BZW1: variants seen among roughly 807,000 people sequenced by gnomAD.
The protein encoded by BZW1 is eIF5-mimic protein 2.
BZW1 carries 3 observed loss-of-function variants against 54.1 expected under a neutral mutation model. The observed-to-expected ratio is 0.06, with a 90% CI of 0.03 to 0.14. BZW1 has a LOEUF of 0.14. Ranked by LOEUF, BZW1 falls within the 10% of genes least tolerant of loss-of-function variation. The probability of loss-of-function intolerance (pLI) is 1.00; values close to 1 mark genes in which losing one functional copy is unlikely to be tolerated. For missense variants in BZW1, 206 were observed against 491.7 expected (o/e 0.42, Z 5.50); for synonymous variants, 152 against 162.7 (o/e 0.93, Z 0.50).
intron 2 of BZW1, among the ~76,000 whole-genome samples, chr2:200,814,769 C>T (rs753889462): frequency 1.3e-5 from 2 of 152,156 alleles, no homozygotes; most frequent in Non-Finnish European, 2.9e-5. Context: ...ACAATATAGT[C>T]TCTTGATTAC....
chr2:200,813,464 G>A (rs550126069), intron 2 of BZW1, 183 bp downstream of exon 2: 1 of 547,904 alleles, frequency 1.8e-6, no homozygotes, highest in Admixed American at 3.5e-5. Context: ...TACTGCTCAA[G>A]CCTTAATTTT....
In BZW1 at chr2:200,826,932, GT is replaced by G; in HGVS notation, c.*4757del. 1 of 148,930 alleles carries G rather than the reference GT, an allele frequency of 6.7e-6. No homozygotes were observed. Among genetic ancestry groups the G allele is most frequent in the South Asian group, 2.1e-4 (1 of 4,796 alleles). The allele number at this position is 148,930 out of a possible 1,614,324, so 9.2% of individuals were successfully genotyped here. ...GCTAATATTCTTAAGGACAAAAATA[GT>G]TTACAGCTTTTTTTTTTTTAATCTG... On this transcript the variant is annotated 3_prime_UTR_variant, in exon 12 of 12. Transcript: ENST00000409600.
intron 5 of BZW1, among the ~76,000 whole-genome samples, chr2:200,816,780 G>T (rs867975174): frequency 1.3e-5 from 2 of 152,118 alleles, no homozygotes; most frequent in South Asian, 4.1e-4. Context: ...GAGCCAACAC[G>T]CCTGGCCCAA....
At chr2:200,820,941 T>C (rs1293753833) in intron 10 of BZW1, among the ~76,000 whole-genome samples, 1 of 152,252 alleles carries the variant, frequency 6.6e-6, no homozygotes, top group Admixed American at 6.5e-5. Flanking sequence ...ACAAGACCTC[T>C]GTTGGGAGAA....
intron 5 of BZW1, among the ~76,000 whole-genome samples, chr2:200,816,608 C>T (rs1263576842): frequency 3.3e-5 from 5 of 152,168 alleles, no homozygotes; most frequent in Non-Finnish European, 5.9e-5. Flanking sequence ...TCTCGTGCCT[C>T]AGCCTCCCGA....
chr2:200,819,006 C>T, intron 9 of BZW1, 105 bp downstream of exon 9: 1 of 1,293,068 alleles, frequency 7.7e-7, no homozygotes. Flanking sequence ...CCTGTGGTTC[C>T]TAGGGATGGC....
rs114428988 is a variant in BZW1 at position 200,818,639 on chromosome 2, G to A, written c.820-116G>A. 5.0e-6 allele frequency: 6 copies of A among 1,194,626 alleles called. No homozygotes were observed. In the African/African-American group the frequency reaches 6.2e-5, roughly 12 times the overall value. The allele number at this position is 1,194,626 out of a possible 1,614,324, so 74.0% of individuals were successfully genotyped here. A position where few individuals can be genotyped will look rare whatever the true frequency, so the allele number is the denominator to read the frequency against. On this transcript the variant is annotated intron_variant, in intron 8 of 11. Coordinates refer to ENST00000409600, the MANE Select transcript of BZW1 (RefSeq NM_001207067.2). ...TCTTTTTATATGTGGTACACATGTGGTTGCCAGTTGCATGGAAAAGGAGTT... is the reference window on the plus strand; with the variant it reads ...TCTTTTTATATGTGGTACACATGTGATTGCCAGTTGCATGGAAAAGGAGTT...
chr2:200,816,029 G>GTT (rs1205699331), intron 4 of BZW1, among the ~76,000 whole-genome samples: 1 of 152,166 alleles, frequency 6.6e-6, no homozygotes, highest in African/African-American at 2.4e-5. Context: ...GGAAAAGTCA[G>GTT]TTTCGTATTG....
chr2:200,812,468 C>T (rs896558665), intron 1 of BZW1: 11 of 1,335,510 alleles, frequency 8.2e-6, no homozygotes, highest in African/African-American at 4.5e-5. Flanking sequence ...CCGCTCGTTG[C>T]GGCGGCCGCC....
rs749163740 is a variant in BZW1 at position 200,819,865 on chromosome 2, T to C, written c.967-117T>C. 9.4e-6 allele frequency: 9 copies of C among 955,090 alleles called. No homozygotes were observed. In the South Asian group the frequency reaches 1.1e-4, roughly 11 times the overall value. 59.2% of individuals were successfully genotyped at this position (955,090 alleles called of 1,614,324 possible). A position where few individuals can be genotyped will look rare whatever the true frequency, so the allele number is the denominator to read the frequency against. ...TTTTAAATTTCTGGTAAATAAGTTA[T>C]AGTTTGCAGTGATTATAAAAGATGA... On this transcript the variant is annotated intron_variant, in intron 9 of 11. Transcript: ENST00000409600.
intron 2 of BZW1, 39 bp from the exon 3 acceptor site, chr2:200,815,302 C>T (rs772060333): frequency 3.2e-6 from 5 of 1,550,076 alleles, no homozygotes; most frequent in Non-Finnish European, 4.4e-6. Flanking sequence ...TTTGGTAAAT[C>T]TTTTAAAACT....
intron 8 of BZW1, 146 bp downstream of exon 8, chr2:200,818,539 T>C: frequency 4.5e-6 from 5 of 1,119,688 alleles, no homozygotes; most frequent in Non-Finnish European, 6.3e-6. Flanking sequence ...CTTTTGCATA[T>C]GCTTCTTCAG....
At chr2:200,811,604 C>T (rs999809736), upstream of BZW1, 1 of 152,208 alleles carries the variant, frequency 6.6e-6, no homozygotes, top group Non-Finnish European at 1.5e-5. Context: ...ACGCGTCCAA[C>T]TTCGAGACCG....
intron 9 of BZW1, chr2:200,819,226 TAAAAATCACAAAAAA>T: frequency 4.2e-6 from 1 of 239,340 alleles, no homozygotes; most frequent in Non-Finnish European, 8.1e-6. Context: ...TCATCTCTAC[TAAAAATCACAAAAAA>T]TAGCCAGTCG....
intron 9 of BZW1, among the ~76,000 whole-genome samples, chr2:200,819,665 G>A (rs7599780): frequency 0.97 from 147,319 of 151,720 alleles, 71,672 homozygotes; most frequent in East Asian, 1. Context: ...GGTTCAAGCA[G>A]TTCTGCCTCC....
rs1176498942 is a variant in BZW1, at chr2:200,820,017, A to C, written c.1002A>C (p.Gln334His). 2.0e-6 allele frequency: 3 copies of C among 1,538,198 alleles called. No homozygotes were observed. The highest frequency in any genetic ancestry group is 2.6e-6 in the Non-Finnish European group (3 of 1,140,668). Residue 334 changes from glutamine to histidine, a missense_variant, in exon 10 of 12, where the codon CAA (glutamine) becomes CAC (histidine). By Grantham distance (24) the Gln-to-His change is conservative. Around this residue, in one of 5 missense-constraint regions of BZW1, gnomAD observed 60 missense variants for 151.8 expected, o/e 0.40. Transcript: ENST00000409600. ...YSPLLAAFTTQGQSELTLLLK... is the reference protein window; with the variant it reads ...YSPLLAAFTTHGQSELTLLLK... ...CTCTACTTGCTGCCTTTACTACTCA[A>C]GGTCAGTCTGAGCTGACTCTGTTAC...
intron 1 of BZW1, 43 bp from the exon 2 acceptor site, chr2:200,813,165 G>A: frequency 6.6e-7 from 1 of 1,510,320 alleles, no homozygotes; most frequent in Non-Finnish European, 9.2e-7. Flanking sequence ...TTAAAAATTA[G>A]TATTATGGCA....
At chr2:200,818,486 G>T in intron 8 of BZW1, 93 bp downstream of exon 8, 1 of 1,391,864 alleles carries the variant, frequency 7.2e-7, no homozygotes, top group Non-Finnish European at 9.9e-7. Flanking sequence ...GGATGAGATT[G>T]AGTTAATAGT....
At chr2:200,812,569 T>C in intron 1 of BZW1, 1 of 1,409,352 alleles carries the variant, frequency 7.1e-7, no homozygotes, top group Non-Finnish European at 9.2e-7. Context: ...AAGCGGGTGA[T>C]CTGTGGCTCG....
Sources: allele counts gnomAD v4.1 joint callset (sites outside exome capture counted in the v4.1 genomes callset), GRCh38; gene constraint gnomAD v4.1.1; regional missense constraint gnomAD v4.1.1; transcripts MANE v1.5; gene names NCBI Gene and HGNC (gene_info 2026-07-23, HGNC 2026-07-21).